Variants in IFIH1 observed in about 807,000 individuals in gnomAD.
IFIH1 encodes the protein interferon induced with helicase C domain 1.
A neutral mutation model predicts 107.4 loss-of-function variants in IFIH1; 125 were observed. The ratio of observed to expected loss-of-function variants is 1.16; its 90% CI spans 1.01 to 1.35. The LOEUF is 1.35. Among genes scored for constraint, IFIH1 ranks in the 40% most tolerant of loss-of-function variants. IFIH1 has a pLI of 0.00. For missense variants in IFIH1, 1,333 were observed against 1,213.7 expected (o/e 1.10, Z -1.46); for synonymous variants, 458 against 413.2 (o/e 1.11, Z -1.31).
chr2:162,271,228 G>A (rs1484415517), intron 13 of IFIH1, among the ~76,000 whole-genome samples: 1 of 152,064 alleles, frequency 6.6e-6, no homozygotes, highest in Non-Finnish European at 1.5e-5. Context: ...CCTTCTAAGA[G>A]ACCTTCCTCA....
chr2:162,309,397 G>T (rs1374803271), intron 2 of IFIH1, among the ~76,000 whole-genome samples: 1 of 152,208 alleles, frequency 6.6e-6, no homozygotes, highest in East Asian at 1.9e-4. Context: ...GGTCTGTGGT[G>T]GAAGTGGCAA....
At chr2:162,284,187 C>T (rs1205484304) in intron 5 of IFIH1, among the ~76,000 whole-genome samples, 4 of 151,860 alleles carry the variant, frequency 2.6e-5, no homozygotes, top group African/African-American at 9.7e-5. Context: ...TCTCTCTCTT[C>T]CACAAAGCCG....
chr2:162,284,437 G>A (rs1682863604), intron 5 of IFIH1, among the ~76,000 whole-genome samples: 3 of 151,878 alleles, frequency 2.0e-5, no homozygotes, highest in African/African-American at 7.2e-5. Context: ...CTATTATAGG[G>A]TTGTGAAAAT....
Position 162,280,019 on chromosome 2 carries a change from C to T in IFIH1, c.1618G>A (p.Ala540Thr). The T allele has an allele frequency of 6.2e-7, 1 of 1,606,712 alleles. No individual in the cohort carries two copies. Among genetic ancestry groups the T allele is most frequent in the African/African-American group, 1.3e-5 (1 of 74,816 alleles). ...ACTTCTCTGGTTGCATCTGCAATGG[C>T]AAACTTCTTGCATGGCTCCTGTATT... ...NQIQEPCKKF[A>T]IADATREDPF... Residue 540 changes from alanine to threonine, a missense_variant, in exon 8 of 16, where the codon GCC becomes ACC. Transcript: ENST00000649979.
chr2:162,317,953 T>C lies in IFIH1; in HGVS notation c.355A>G (p.Asn119Asp), dbSNP rs769678153. Residue 119 changes from asparagine (N) to aspartate (D), a missense_variant, in exon 1 of 16, where the codon AAC becomes GAC. Transcript: ENST00000649979. The stretch of plus-strand genomic sequence containing the variant: ...TCCACCAGAGTGGGCTGAAGGAGGT[T>C]CAGCAGTTGGAGATATTCATCATGA... ...NAHDEYLQLL[N>D]LLQPTLVDKL... The C allele has an allele frequency of 6.2e-7, 1 of 1,614,190 alleles. No homozygotes were observed. The highest frequency in any genetic ancestry group is 8.5e-7 in the Non-Finnish European group (1 of 1,180,032).
chr2:162,293,483 G>T, intron 4 of IFIH1, 81 bp downstream of exon 4: 2 of 769,154 alleles, frequency 2.6e-6, no homozygotes, highest in South Asian at 1.6e-5. Context: ...ACATTAGGGA[G>T]GGTATGAACA....
intron 5 of IFIH1, among the ~76,000 whole-genome samples, chr2:162,287,422 T>A (rs928164384): frequency 6.6e-6 from 1 of 151,886 alleles, no homozygotes; most frequent in Non-Finnish European, 1.5e-5. Context: ...CTGTCATTTA[T>A]CTGAATAAAG....
chr2:162,273,662 G>A (rs1691089452), intron 12 of IFIH1, 133 bp downstream of exon 12: 1 of 659,398 alleles, frequency 1.5e-6, no homozygotes, highest in African/African-American at 1.9e-5. Context: ...TTTTAAAAAT[G>A]CTCTTTTAAC....
chr2:162,267,993 T>G (rs1361393973), intron 14 of IFIH1, 94 bp downstream of exon 14: 1 of 781,868 alleles, frequency 1.3e-6, no homozygotes, highest in African/African-American at 1.8e-5. Flanking sequence ...GTAAAATAAA[T>G]GAATCTCATT....
At chr2:162,275,497 G>A (rs1171660943) in intron 11 of IFIH1, among the ~76,000 whole-genome samples, 1 of 152,136 alleles carries the variant, frequency 6.6e-6, no homozygotes, top group Non-Finnish European at 1.5e-5. Context: ...AAAGAAGGAA[G>A]CAAACTTGTT....
intron 3 of IFIH1, 23 bp downstream of exon 3, chr2:162,306,686 A>G: frequency 6.2e-7 from 1 of 1,608,138 alleles, no homozygotes; most frequent in Non-Finnish European, 8.5e-7. Context: ...TACTGTATTA[A>G]AGTACGTATG....
rs1248008897 is a variant in IFIH1, at chr2:162,288,954, C to CAG, written c.875-600_875-599insCT. Reference sequence around the variant, plus strand: ...ACACACACACACACACACACACACACACAGACACCCTATCTATCTCAAGTT... The same window carrying CAG: ...ACACACACACACACACACACACACACAGACAGACACCCTATCTATCTCAAGTT... On this transcript the variant is annotated intron_variant, in intron 4 of 15. Transcript: ENST00000649979. Among the ~76,000 whole-genome samples the CAG allele has an allele frequency of 8.4e-3, 1,255 of 149,376 alleles. 124 individuals are homozygous for CAG. Among genetic ancestry groups the CAG allele is most frequent in the Non-Finnish European group, 0.012 (831 of 66,768 alleles).
intron 4 of IFIH1, among the ~76,000 whole-genome samples, chr2:162,290,350 C>A (rs1168041762): frequency 6.6e-6 from 1 of 151,710 alleles, no homozygotes; most frequent in Non-Finnish European, 1.5e-5. Flanking sequence ...ATAGCAATTT[C>A]CTAAGTCTCT....
chr2:162,281,653 C>T (rs552122394), intron 6 of IFIH1, 108 bp from the exon 7 acceptor site: 40 of 723,592 alleles, frequency 5.5e-5, no homozygotes, highest in African/African-American at 5.3e-4. Flanking sequence ...CTCTTGGGCA[C>T]GACACAAGAG....
Position 162,277,477 on chromosome 2 carries a change from T to C in IFIH1, c.1982A>G (p.Asp661Gly). The part of the protein sequence containing the change: ...DEYCDGDEDE[D>G]DLKKPLKLDE... ...CAGTTTCAAAGGTTTCTTTAAATCA[T>C]CCTCATCTTCATCACCATCACAATA... Residue 661 changes from aspartate to glycine, a missense_variant, in exon 10 of 16, where the codon GAT becomes GGT. Coordinates refer to ENST00000649979, the MANE Select transcript of IFIH1 (RefSeq NM_022168.4). 6.2e-7 allele frequency: 1 copy of C among 1,606,096 alleles called. No homozygotes were observed. The highest frequency in any genetic ancestry group is 8.5e-7 in the Non-Finnish European group (1 of 1,173,690).
At chr2:162,291,180 G>T (rs1371029911) in intron 4 of IFIH1, among the ~76,000 whole-genome samples, 1 of 151,684 alleles carries the variant, frequency 6.6e-6, no homozygotes, top group Non-Finnish European at 1.5e-5. Flanking sequence ...GGTCAAAAAA[G>T]AAAATCAAAT....
intron 1 of IFIH1, among the ~76,000 whole-genome samples, chr2:162,313,145 C>A (rs1683408986): frequency 6.6e-6 from 1 of 152,168 alleles, no homozygotes; most frequent in Non-Finnish European, 1.5e-5. Flanking sequence ...CATCAAGATG[C>A]TGAATTTTTA....
Position 162,267,112 on chromosome 2 carries a change from T to C in IFIH1, c.*88A>G, listed in dbSNP as rs1459574326. On this transcript the variant is annotated 3_prime_UTR_variant, in exon 16 of 16. Transcript: ENST00000649979. ...AAAACAATCATTTTATTGATTCTTA[T>C]GTCAGTTCTGTAGCATAATGAATAC... 2.1e-6 allele frequency: 2 copies of C among 966,570 alleles called. No homozygotes were observed. The highest frequency in any genetic ancestry group is 3.1e-6 in the Non-Finnish European group (2 of 647,098). 59.9% of individuals were successfully genotyped at this position (966,570 alleles called of 1,614,324 possible). A position where few individuals can be genotyped will look rare whatever the true frequency, so the allele number is the denominator to read the frequency against.
In IFIH1 at chr2:162,272,346, C is replaced by T. The variant is rs1559810397; in HGVS notation, c.2496G>A (p.Leu832=). 6.2e-7 allele frequency: 1 copy of T among 1,613,204 alleles called. No individual in the cohort carries two copies. Among genetic ancestry groups the T allele is most frequent in the Admixed American group, 1.7e-5 (1 of 59,892 alleles). Residue 832 remains leucine, a synonymous_variant, in exon 13 of 16, where the codon CTG becomes CTA. Coordinates refer to ENST00000649979, the MANE Select transcript of IFIH1 (RefSeq NM_022168.4). ...RARADESTYV[L]VAHSGSGVIE... is the part of the protein sequence containing the mutation. Reference sequence around the variant, plus strand: ...TAACTCCTGAACCACTGTGAGCAACCAGGACGTAGGTGCTCTCATCAGCTC... The same window carrying T: ...TAACTCCTGAACCACTGTGAGCAACTAGGACGTAGGTGCTCTCATCAGCTC...
Sources: allele counts gnomAD v4.1 joint callset (sites outside exome capture counted in the v4.1 genomes callset), GRCh38; gene constraint gnomAD v4.1.1; transcripts MANE v1.5; gene names NCBI Gene and HGNC (gene_info 2026-07-23, HGNC 2026-07-21).